The following ARID2 variants were observed in gnomAD, a reference collection of about 807,000 sequenced individuals.
ARID2 encodes AT-rich interaction domain 2, also known as AT-rich interactive domain-containing protein 2.
Under a neutral mutation model 184.6 loss-of-function variants are expected in ARID2, and 32 were observed. That is an observed-to-expected ratio of 0.17 (90% confidence interval 0.13 to 0.23). The LOEUF (loss-of-function observed/expected upper bound fraction) is 0.23, where lower values mean the gene tolerates loss of function less well. Ranked by LOEUF, ARID2 falls within the 10% of genes least tolerant of loss-of-function variation. ARID2 has a pLI of 1.00. For synonymous variants in ARID2, 836 were observed against 772.6 expected, an observed-to-expected ratio of 1.08 and a Z score of -1.36; for missense variants, 1,696 against 2,197.6, an observed-to-expected ratio of 0.77 and a Z score of 4.56.
At chr12:45,756,987 G>A (rs1313641326) in intron 3 of ARID2, among the ~76,000 whole-genome samples, 1 of 152,168 alleles carries the variant, frequency 6.6e-6, no homozygotes, top group Non-Finnish European at 1.5e-5. Context: ...TTCAGGAATA[G>A]TCTCCTTGCA....
intron 20 of ARID2, among the ~76,000 whole-genome samples, chr12:45,897,320 T>G (rs1025105097): frequency 6.6e-6 from 1 of 152,206 alleles, no homozygotes; most frequent in South Asian, 2.1e-4. Context: ...CTTTATAATA[T>G]TGGATTTGGC....
chr12:45,800,280 A>G (rs1398888740), intron 3 of ARID2, among the ~76,000 whole-genome samples: 3 of 152,256 alleles, frequency 2.0e-5, no homozygotes, highest in African/African-American at 7.2e-5. Context: ...CAAGTGAATT[A>G]GTAGTTCAAA....
At chr12:45,877,269 C>T (rs1284896741) in intron 16 of ARID2, among the ~76,000 whole-genome samples, 4 of 152,054 alleles carry the variant, frequency 2.6e-5, no homozygotes, top group African/African-American at 2.4e-5. Context: ...ACAGCCGCTC[C>T]CTATTGCTTG....
chr12:45,763,944 A>G (rs1306735644), intron 3 of ARID2, among the ~76,000 whole-genome samples: 2 of 152,204 alleles, frequency 1.3e-5, no homozygotes, highest in Admixed American at 1.3e-4. Context: ...GAAAATTGCA[A>G]ATAGAAAGGA....
At chr12:45,810,466 A>G (rs1448947260) in intron 3 of ARID2, among the ~76,000 whole-genome samples, 1 of 152,212 alleles carries the variant, frequency 6.6e-6, no homozygotes, top group Non-Finnish European at 1.5e-5. Context: ...TATCAAGAGA[A>G]AATATTCAAA....
chr12:45,872,977 T>G (rs922608096), intron 16 of ARID2, among the ~76,000 whole-genome samples: 3 of 152,236 alleles, frequency 2.0e-5, no homozygotes, highest in African/African-American at 7.2e-5. Flanking sequence ...GTTGAAGTCT[T>G]CAACTATAAT....
intron 3 of ARID2, among the ~76,000 whole-genome samples, chr12:45,807,679 A>G (rs1432216990): frequency 2.0e-5 from 3 of 152,156 alleles, no homozygotes; most frequent in Non-Finnish European, 1.5e-5. Context: ...GTGGTTAGAA[A>G]ATGTGCCCTA....
In ARID2 at chr12:45,822,877, G is replaced by C. The variant is rs577364628; in HGVS notation, c.705+1390G>C. Among the ~76,000 whole-genome samples, 6 of 152,188 alleles carry C rather than the reference G, an allele frequency of 3.9e-5. No homozygotes were observed. The East Asian group carries it at 1.2e-3, about 29-fold the overall frequency. The stretch of plus-strand genomic sequence containing the variant: ...AGAGACCCCAATACAATTATAGTTC[G>C]GGACTTTACTCACTTTCAGCATTGG... On this transcript the variant is annotated intron_variant, in intron 6 of 20. Coordinates refer to ENST00000334344, the MANE Select transcript of ARID2 (RefSeq NM_152641.4).
intron 12 of ARID2, among the ~76,000 whole-genome samples, chr12:45,848,457 A>G (rs1002535513): frequency 2.0e-5 from 3 of 152,096 alleles, no homozygotes; most frequent in Non-Finnish European, 4.4e-5. Context: ...CTTCAGCTAC[A>G]ATGCAAATAG....
chr12:45,817,645 TTAAGG>T lies in ARID2; in HGVS notation c.419-22_419-18del, dbSNP rs1276918040. Reference sequence around the variant, plus strand: ...TAAAGGTATCTGATCTTTGATATACTTAAGGTATTTTTTTTCTTTGTTAGATTATC... The same window carrying T: ...TAAAGGTATCTGATCTTTGATATACTTATTTTTTTTCTTTGTTAGATTATC... On this transcript the variant is annotated intron_variant, in intron 4 of 20. Transcript: ENST00000334344. 3 of 1,575,644 alleles carry T rather than the reference TTAAGG, an allele frequency of 1.9e-6. No individual in the cohort carries two copies. The highest frequency in any genetic ancestry group is 2.6e-6 in the Non-Finnish European group (3 of 1,157,980).
intron 3 of ARID2, among the ~76,000 whole-genome samples, chr12:45,773,478 AT>A (rs1003182575): frequency 6.6e-6 from 1 of 152,086 alleles, no homozygotes; most frequent in Non-Finnish European, 1.5e-5. Flanking sequence ...AATATCAACA[AT>A]TTTGCCAAAA....
chr12:45,844,196 T>A (rs1943402586), intron 11 of ARID2, among the ~76,000 whole-genome samples: 1 of 152,014 alleles, frequency 6.6e-6, no homozygotes, highest in African/African-American at 2.4e-5. Flanking sequence ...TGCCACCAAG[T>A]CTGGCTAAGG....
chr12:45,889,086 G>A (rs1015825235), intron 16 of ARID2, among the ~76,000 whole-genome samples: 1 of 152,184 alleles, frequency 6.6e-6, no homozygotes, highest in East Asian at 1.9e-4. Flanking sequence ...GGAGGCTGAG[G>A]CAAAAGAAAC....
At chr12:45,828,642 T>C (rs564860493) in intron 6 of ARID2, among the ~76,000 whole-genome samples, 1 of 152,204 alleles carries the variant, frequency 6.6e-6, no homozygotes, top group South Asian at 2.1e-4. Flanking sequence ...GTCAGTCTCT[T>C]TCATTTTAAC....
intron 3 of ARID2, among the ~76,000 whole-genome samples, chr12:45,788,531 G>C (rs1942236992): frequency 6.6e-6 from 1 of 151,988 alleles, no homozygotes; most frequent in Admixed American, 6.6e-5. Context: ...CATGTATCAG[G>C]GAAATGGTCT....
In ARID2 at chr12:45,852,121, A is replaced by C. The variant is rs926384456; in HGVS notation, c.3998A>C (p.Asn1333Thr). 6.2e-7 allele frequency: 1 copy of C among 1,614,186 alleles called. No individual in the cohort carries two copies. The highest frequency in any genetic ancestry group is 8.5e-7 in the Non-Finnish European group (1 of 1,180,012). The change falls in exon 15 of 21, where the codon AAT (asparagine) becomes ACT (threonine). Residue 1333 changes from asparagine to threonine, a missense_variant. Asn to Thr is a moderately conservative substitution (Grantham distance 65, BLOSUM62 0). Around this residue, in one of 11 missense-constraint regions of ARID2, gnomAD observed 428 missense variants for 409.1 expected, o/e 1.05. Transcript: ENST00000334344. ...GGGCCATCATTGGAATTAGGTGAGA[A>C]TGGAGCATCTGGGAAACAGAACTCA... ...SNGPSLELGE[N>T]GASGKQNSEQ...
intron 12 of ARID2, among the ~76,000 whole-genome samples, chr12:45,847,176 A>G (rs766875686): frequency 3.9e-5 from 6 of 152,138 alleles, no homozygotes; most frequent in African/African-American, 1.4e-4. Context: ...ATGTCATTAA[A>G]TTACACCATT....
At chr12:45,732,061 G>A (rs1592041354) in intron 3 of ARID2, among the ~76,000 whole-genome samples, 1 of 148,874 alleles carries the variant, frequency 6.7e-6, no homozygotes, top group South Asian at 2.1e-4. Flanking sequence ...GATATATTTT[G>A]TGATTTAGCG....
chr12:45,780,709 G>C (rs919794298), intron 3 of ARID2, among the ~76,000 whole-genome samples: 2 of 151,950 alleles, frequency 1.3e-5, no homozygotes, highest in East Asian at 3.9e-4. Context: ...ACCTCTGCCT[G>C]CCGGGTTCAA....
Sources: allele counts gnomAD v4.1 joint callset (sites outside exome capture counted in the v4.1 genomes callset), GRCh38; gene constraint gnomAD v4.1.1; regional missense constraint gnomAD v4.1.1; transcripts MANE v1.5; gene names NCBI Gene and HGNC (gene_info 2026-07-23, HGNC 2026-07-21).